Variants in CPNE4 observed in about 807,000 individuals in gnomAD.
CPNE4 encodes copine 4.
In CPNE4, 25 loss-of-function variants were observed where a neutral mutation model predicts 67.9. The observed-to-expected ratio is 0.37, with a 90% CI of 0.27 to 0.51. The LOEUF (loss-of-function observed/expected upper bound fraction) is 0.51, where lower values mean the gene tolerates loss of function less well. CPNE4 is among the 20% of genes least tolerant of loss of function. The pLI is 0.93. For synonymous variants in CPNE4, 242 were observed against 244.9 expected, an observed-to-expected ratio of 0.99 and a Z score of 0.11; for missense variants, 464 against 690.8, an observed-to-expected ratio of 0.67 and a Z score of 3.68.
intron 1 of CPNE4, among the ~76,000 whole-genome samples, chr3:131,961,025 G>C (rs1156273959): frequency 1.3e-5 from 2 of 152,104 alleles, no homozygotes; most frequent in African/African-American, 2.4e-5. Flanking sequence ...GATGTCACAA[G>C]AAAAAGAGGT....
intron 1 of CPNE4, among the ~76,000 whole-genome samples, chr3:132,011,564 G>A (rs951180300): frequency 3.9e-5 from 6 of 152,156 alleles, no homozygotes; most frequent in African/African-American, 1.2e-4. Flanking sequence ...AACCCTAATC[G>A]CCTAGTTCAG....
chr3:131,763,672 G>A (rs1203860203), intron 2 of CPNE4, among the ~76,000 whole-genome samples: 1 of 152,036 alleles, frequency 6.6e-6, no homozygotes, highest in Non-Finnish European at 1.5e-5. Context: ...AAGGAAATTG[G>A]TTGCTAACAT....
At chr3:131,698,909 C>A (rs1418874736) in intron 4 of CPNE4, among the ~76,000 whole-genome samples, 671 of 86,832 alleles carry the variant, frequency 7.7e-3, no homozygotes, top group East Asian at 0.048. Context: ...GACACTGTCT[C>A]AAAAAAAAAA....
At chr3:131,726,303 C>T (rs540263528) in intron 2 of CPNE4, among the ~76,000 whole-genome samples, 1 of 152,280 alleles carries the variant, frequency 6.6e-6, no homozygotes, top group African/African-American at 2.4e-5. Context: ...AGCCACACAC[C>T]TCATACACAC....
chr3:131,588,984 T>A (rs72999241), intron 7 of CPNE4, among the ~76,000 whole-genome samples: 1 of 152,164 alleles, frequency 6.6e-6, no homozygotes, highest in African/African-American at 2.4e-5. Flanking sequence ...GGCTAGCAGG[T>A]CTTCCAAGGT....
At chr3:131,842,928 G>T (rs2085850910) in intron 2 of CPNE4, among the ~76,000 whole-genome samples, 1 of 151,988 alleles carries the variant, frequency 6.6e-6, no homozygotes. Context: ...GACAAATACG[G>T]CATATAAGAA....
chr3:131,912,106 G>GTTTTAA (rs11282218), intron 1 of CPNE4, among the ~76,000 whole-genome samples: 7 of 55,064 alleles, frequency 1.3e-4, no homozygotes, highest in Non-Finnish European at 2.2e-4. Context: ...CAATACCTTG[G>GTTTTAA]GGAGACTAAT....
intron 1 of CPNE4, among the ~76,000 whole-genome samples, chr3:131,975,010 AAATC>A (rs2072609690): frequency 6.6e-6 from 1 of 152,170 alleles, no homozygotes. Context: ...CCTGTCTCAA[AAATC>A]AAATAAATAA....
In CPNE4 at chr3:131,614,067, G is replaced by A. The variant is rs564872329; in HGVS notation, c.682-26485C>T. Among the ~76,000 whole-genome samples, 166 of 152,274 alleles carry A rather than the reference G, an allele frequency of 1.1e-3. 2 individuals are homozygous for A. The highest frequency in any genetic ancestry group is 1.7e-3 in the Non-Finnish European group (115 of 68,028). Reference sequence around the variant, plus strand: ...CATGAATCCACCTTTAGGCAAATGAGTTGTCTTGAGGATTTTATTGGTTTG... The same window carrying A: ...CATGAATCCACCTTTAGGCAAATGAATTGTCTTGAGGATTTTATTGGTTTG... On this transcript the variant is annotated intron_variant, in intron 7 of 15. Coordinates refer to ENST00000429747, the MANE Select transcript of CPNE4 (RefSeq NM_130808.3).
At chr3:131,617,142 C>A (rs1164395517) in intron 7 of CPNE4, among the ~76,000 whole-genome samples, 1 of 152,150 alleles carries the variant, frequency 6.6e-6, no homozygotes, top group African/African-American at 2.4e-5. Context: ...TCTTAGGAAT[C>A]ATATCTTAGG....
chr3:131,959,920 T>C (rs1369298786), intron 1 of CPNE4, among the ~76,000 whole-genome samples: 1 of 152,210 alleles, frequency 6.6e-6, no homozygotes, highest in Non-Finnish European at 1.5e-5. Flanking sequence ...ATTTTAAATA[T>C]CATCTGAATA....
intron 1 of CPNE4, among the ~76,000 whole-genome samples, chr3:131,974,757 T>C (rs1202672636): frequency 6.6e-6 from 1 of 152,128 alleles, no homozygotes; most frequent in Non-Finnish European, 1.5e-5. Context: ...TATGTAATCC[T>C]AGCACTTTGG....
intron 7 of CPNE4, among the ~76,000 whole-genome samples, chr3:131,645,981 C>G (rs2079654029): frequency 6.6e-6 from 1 of 152,160 alleles, no homozygotes; most frequent in Non-Finnish European, 1.5e-5. Context: ...TGCTTTTCAA[C>G]TGTTGCATAG....
At chr3:131,730,777 G>C (rs2082110011) in intron 2 of CPNE4, among the ~76,000 whole-genome samples, 1 of 152,108 alleles carries the variant, frequency 6.6e-6, no homozygotes, top group South Asian at 2.1e-4. Flanking sequence ...GCCAGGAGAG[G>C]AGCATTAAGC....
At chr3:131,925,932 G>A (rs1408210726) in intron 1 of CPNE4, among the ~76,000 whole-genome samples, 2 of 152,094 alleles carry the variant, frequency 1.3e-5, no homozygotes, top group Admixed American at 6.6e-5. Flanking sequence ...CACCTTCCTG[G>A]ACAGGAGAGT....
At chr3:131,916,878 AAAG>A (rs1467723017) in intron 1 of CPNE4, among the ~76,000 whole-genome samples, 1 of 152,178 alleles carries the variant, frequency 6.6e-6, no homozygotes, top group Non-Finnish European at 1.5e-5. Flanking sequence ...TGTTTTTTCT[AAAG>A]AACAAAGCAA....
At chr3:131,690,985 A>G (rs923039395) in intron 5 of CPNE4, among the ~76,000 whole-genome samples, 4 of 152,204 alleles carry the variant, frequency 2.6e-5, no homozygotes, top group South Asian at 2.1e-4. Context: ...AGAGAAATGC[A>G]AATCAAAACC....
chr3:131,863,510 T>C (rs2086787812), intron 2 of CPNE4, among the ~76,000 whole-genome samples: 1 of 152,254 alleles, frequency 6.6e-6, no homozygotes, highest in Non-Finnish European at 1.5e-5. Flanking sequence ...ATGTCTTCTT[T>C]TGAGAAGTGT....
chr3:132,015,436 C>A (rs887451765), intron 1 of CPNE4, among the ~76,000 whole-genome samples: 11 of 152,106 alleles, frequency 7.2e-5, no homozygotes, highest in African/African-American at 2.7e-4. Flanking sequence ...GGAAGGAAAG[C>A]TCCAATAGAC....
Sources: gnomAD v4.1 joint callset for allele counts (sites outside exome capture counted in the v4.1 genomes callset) on GRCh38, gnomAD v4.1.1 for gene constraint, MANE v1.5 for transcripts, NCBI Gene and HGNC (gene_info 2026-07-23, HGNC 2026-07-21) for gene names.